Variants in HSPA4L observed in about 807,000 individuals in gnomAD.
HSPA4L encodes heat shock protein family A (Hsp70) member 4 like.
A neutral mutation model predicts 100.3 loss-of-function variants in HSPA4L; 48 were observed. The ratio of observed to expected loss-of-function variants is 0.48; its 90% confidence interval spans 0.38 to 0.61. The LOEUF (loss-of-function observed/expected upper bound fraction) is 0.61, where lower values mean the gene tolerates loss of function less well. Ranked by LOEUF, HSPA4L falls within the 20% of genes least tolerant of loss-of-function variation. The pLI is 0.00. For missense variants in HSPA4L, 886 were observed against 988.6 expected (o/e 0.90, Z 1.39); for synonymous variants, 319 against 328.2 (o/e 0.97, Z 0.30).
chr4:127,807,872 C>CT, intron 10 of HSPA4L, 124 bp from the exon 11 acceptor site: 1 of 914,668 alleles, frequency 1.1e-6, no homozygotes, highest in Non-Finnish European at 1.6e-6. Flanking sequence ...ATTGTTTTTT[C>CT]TTTTTATTTG....
chr4:127,829,243 A>G (rs1397836981), intron 17 of HSPA4L, among the ~76,000 whole-genome samples: 4 of 152,132 alleles, frequency 2.6e-5, no homozygotes. Context: ...ATGTTAGAGG[A>G]ACAGCAAGGT....
chr4:127,817,535 A>G (rs1268708822), intron 12 of HSPA4L, among the ~76,000 whole-genome samples: 1 of 152,124 alleles, frequency 6.6e-6, no homozygotes, highest in Non-Finnish European at 1.5e-5. Context: ...TCTATTATAT[A>G]TATGGGATTA....
At chr4:127,804,681 C>T (rs1733301045) in intron 8 of HSPA4L, among the ~76,000 whole-genome samples, 1 of 151,082 alleles carries the variant, frequency 6.6e-6, no homozygotes, top group Non-Finnish European at 1.5e-5. Flanking sequence ...TGTTTATAAA[C>T]TATAGATGAT....
intron 1 of HSPA4L, among the ~76,000 whole-genome samples, chr4:127,790,402 T>C (rs1414851397): frequency 6.6e-6 from 1 of 152,216 alleles, no homozygotes; most frequent in Non-Finnish European, 1.5e-5. Context: ...AATGCCAACA[T>C]CCACACATTA....
Position 127,804,608 on chromosome 4 carries a change from A to AACACAC in HSPA4L, c.986-430_986-425dup, listed in dbSNP as rs56013070. On this transcript the variant is annotated intron_variant, in intron 8 of 18. Transcript: ENST00000296464. ...GCAACAGAGTGAGACTCTGTCTCAA[A>AACACAC]ACACACACACACACACACACACACA... Among the ~76,000 whole-genome samples, 855 of 144,398 alleles carry AACACAC rather than the reference A, an allele frequency of 5.9e-3. 7 individuals carry two copies. Among genetic ancestry groups the AACACAC allele is most frequent in the African/African-American group, 0.018 (709 of 38,832 alleles). 94.7% of individuals were successfully genotyped at this position (144,398 alleles called of 152,430 possible). A position where few individuals can be genotyped will look rare whatever the true frequency, so the allele number is the denominator to read the frequency against.
intron 16 of HSPA4L, among the ~76,000 whole-genome samples, 154 bp downstream of exon 16, chr4:127,823,778 C>T (rs1167788084): frequency 6.6e-6 from 1 of 152,124 alleles, no homozygotes; most frequent in Non-Finnish European, 1.5e-5. Context: ...TGATTATGCA[C>T]ACATTGTGGA....
intron 12 of HSPA4L, among the ~76,000 whole-genome samples, chr4:127,818,111 C>T (rs1026973207): frequency 6.6e-6 from 1 of 150,978 alleles, no homozygotes; most frequent in Non-Finnish European, 1.5e-5. Context: ...CATAGATAAA[C>T]AAGATTTATC....
chr4:127,804,087 A>G lies in HSPA4L; in HGVS notation c.985A>G (p.Asn329Asp), dbSNP rs752668216. 6.2e-7 allele frequency: 1 copy of G among 1,612,786 alleles called. No homozygotes were observed. The highest frequency in any genetic ancestry group is 1.1e-5 in the South Asian group (1 of 91,042). ...PPLKAVMEQANLQREDISSIE... is the reference protein window; with the variant it reads ...PPLKAVMEQADLQREDISSIE... ...TTTAAAAGCAGTAATGGAACAAGCT[A>G]GTAAGTGGAAATTACTGGACTATCA... The change falls in exon 8 of 19, where the codon AAC (asparagine) becomes GAC (aspartate). Residue 329 changes from asparagine to aspartate, a missense_variant and splice_region_variant. Transcript: ENST00000296464.
Position 127,827,311 on chromosome 4 carries a change from G to A in HSPA4L, c.2053G>A (p.Gly685Ser), listed in dbSNP as rs760804812. The A allele has an allele frequency of 1.7e-5, 28 of 1,606,648 alleles. No individual in the cohort carries two copies. Among genetic ancestry groups the A allele is most frequent in the East Asian group, 1.1e-4 (5 of 44,754 alleles). The change falls in exon 17 of 19, where the codon GGC becomes AGC. Residue 685 changes from glycine to serine, a missense_variant. Physicochemically the swap from Gly to Ser is moderately conservative, Grantham distance 56 (BLOSUM62 0). Transcript: ENST00000296464. ...VDKLQELKKYGQPIQMKYMEH... is the reference protein window; with the variant it reads ...VDKLQELKKYSQPIQMKYMEH... The stretch of plus-strand genomic sequence containing the variant: ...AAATTTCTTATGTTAACAGAAATAC[G>A]GCCAGCCTATTCAAATGAAGTACAT...
intron 18 of HSPA4L, among the ~76,000 whole-genome samples, chr4:127,831,803 C>G (rs992042363): frequency 4.6e-5 from 7 of 151,754 alleles, no homozygotes; most frequent in African/African-American, 1.7e-4. Context: ...GATGGAATTT[C>G]AGGGGATTTT....
chr4:127,801,457 ACGTGTGTGTGTG>A (rs1560656848), intron 5 of HSPA4L, among the ~76,000 whole-genome samples: 1 of 133,256 alleles, frequency 7.5e-6, no homozygotes, highest in East Asian at 2.2e-4. Context: ...ATATAAAAAT[ACGTGTGTGTGTG>A]TGTGTGTGTG....
intron 11 of HSPA4L, among the ~76,000 whole-genome samples, chr4:127,810,557 A>G (rs1486826073): frequency 2.6e-5 from 4 of 152,174 alleles, no homozygotes; most frequent in Admixed American, 1.3e-4. Context: ...CAGGAGTTCA[A>G]GACCAGCCTG....
Position 127,782,531 on chromosome 4 carries a change from C to T in HSPA4L, c.-20C>T. 1 of 1,604,292 alleles carries T rather than the reference C, an allele frequency of 6.2e-7. No homozygotes were observed. Among genetic ancestry groups the T allele is most frequent in the Middle Eastern group, 1.7e-4 (1 of 6,052 alleles). The stretch of plus-strand genomic sequence containing the variant: ...GTACCGAAGGGTTCAGTACCAGCAG[C>T]CCGACCATCACGCGGCGGGATGTCT... On this transcript the variant is annotated 5_prime_UTR_variant, in exon 1 of 19. Coordinates refer to ENST00000296464, the MANE Select transcript of HSPA4L (RefSeq NM_014278.4).
intron 11 of HSPA4L, among the ~76,000 whole-genome samples, chr4:127,810,510 C>A (rs1733496048): frequency 1.3e-5 from 2 of 152,244 alleles, no homozygotes; most frequent in South Asian, 4.2e-4. Flanking sequence ...GTAATCCTAG[C>A]ACTTTGGAAG....
At chr4:127,819,510 C>T (rs908709000) in intron 13 of HSPA4L, among the ~76,000 whole-genome samples, 3 of 152,158 alleles carry the variant, frequency 2.0e-5, no homozygotes, top group African/African-American at 7.2e-5. Context: ...ATATAGTTTA[C>T]ATGTCATTCA....
At position 127,834,427 on chromosome 4, in the gene HSPA4L, C is replaced by T. The variant is rs1223050717; in HGVS notation, c.*1553C>T. The stretch of plus-strand genomic sequence containing the variant: ...AGAGATTTTGTTTCTACAATGTAGT[C>T]AGCACTTAATGGAGAGTATGGAGTA... On this transcript the variant is annotated 3_prime_UTR_variant, in exon 19 of 19. Transcript: ENST00000296464. 1 of 152,142 alleles carries T rather than the reference C, an allele frequency of 6.6e-6. No homozygotes were observed. The highest frequency in any genetic ancestry group is 1.5e-5 in the Non-Finnish European group (1 of 68,000). 9.4% of individuals were successfully genotyped at this position (152,142 alleles called of 1,614,324 possible).
intron 12 of HSPA4L, chr4:127,813,317 A>G: frequency 1.5e-6 from 1 of 646,834 alleles, no homozygotes; most frequent in Non-Finnish European, 2.7e-6. Flanking sequence ...AATAATTACT[A>G]TGCATCTTTC....
upstream of HSPA4L, chr4:127,782,061 T>C (rs1035850505): frequency 6.6e-6 from 3 of 455,100 alleles, no homozygotes; most frequent in Non-Finnish European, 8.8e-6. Context: ...AGCAAGCCAA[T>C]GTGCCTAGCC....
At chr4:127,804,166 T>A (rs948554379) in intron 8 of HSPA4L, 79 bp downstream of exon 8, 4 of 1,093,458 alleles carry the variant, frequency 3.7e-6, no homozygotes, top group Non-Finnish European at 5.4e-6. Context: ...ATAAAATAAA[T>A]TTTTAAAACT....
Sources: gnomAD v4.1 joint callset for allele counts (sites outside exome capture counted in the v4.1 genomes callset) on GRCh38, gnomAD v4.1.1 for gene constraint, MANE v1.5 for transcripts, NCBI Gene and HGNC (gene_info 2026-07-23, HGNC 2026-07-21) for gene names.